ASCC3: variants seen among roughly 807,000 people sequenced by gnomAD.
ASCC3 encodes the protein activating signal cointegrator 1 complex subunit 3, also known as ASC-1 complex subunit P200.
A neutral mutation model predicts 256.3 loss-of-function variants in ASCC3; 158 were observed. That is an observed-to-expected ratio of 0.62 (90% CI 0.54 to 0.70). ASCC3 has a LOEUF of 0.70. Among genes scored for constraint, ASCC3 ranks in the 30% least tolerant of loss-of-function variants. The pLI is 0.00. For missense variants in ASCC3, 2,259 were observed against 2,626.0 expected, an observed-to-expected ratio of 0.86 and a Z score of 3.05; for synonymous variants, 948 against 883.4, an observed-to-expected ratio of 1.07 and a Z score of -1.30.
At chr6:100,733,071 TATG>T (rs1190326961) in intron 10 of ASCC3, among the ~76,000 whole-genome samples, 2 of 152,112 alleles carry the variant, frequency 1.3e-5, no homozygotes, top group Non-Finnish European at 2.9e-5. Context: ...GAAAAGCAAA[TATG>T]ATGAAAGTAT....
intron 6 of ASCC3, 127 bp from the exon 7 acceptor site, chr6:100,799,699 C>G (rs145510012): frequency 1.0e-6 from 1 of 975,004 alleles, no homozygotes; most frequent in Admixed American, 2.7e-5. Flanking sequence ...TTAAACTACA[C>G]AAAGGAAGAT....
At chr6:100,538,205 T>C (rs183152986) in intron 37 of ASCC3, among the ~76,000 whole-genome samples, 10 of 152,262 alleles carry the variant, frequency 6.6e-5, no homozygotes, top group African/African-American at 2.4e-4. Flanking sequence ...CCAGAGTTCA[T>C]TAACAAGTTA....
chr6:100,631,099 G>T, intron 26 of ASCC3, 29 bp downstream of exon 26: 1 of 1,485,532 alleles, frequency 6.7e-7, no homozygotes, highest in Non-Finnish European at 9.4e-7. Flanking sequence ...AATTCAAAGC[G>T]TATCTTTTGA....
intron 10 of ASCC3, among the ~76,000 whole-genome samples, chr6:100,745,958 G>T (rs1174674423): frequency 6.6e-6 from 1 of 151,812 alleles, no homozygotes; most frequent in Admixed American, 6.6e-5. Flanking sequence ...TATCGACATA[G>T]ATAGGCGTTC....
At chr6:100,568,752 AATT>A (rs111974347) in intron 36 of ASCC3, among the ~76,000 whole-genome samples, 43,328 of 139,406 alleles carry the variant, frequency 0.31, 6,697 homozygotes, top group Non-Finnish European at 0.33. Context: ...CTTAGTCATA[AATT>A]ATTATTATTA....
chr6:100,590,006 T>C lies in ASCC3; in HGVS notation c.5357A>G (p.His1786Arg), dbSNP rs371243896. Residue 1786 changes from histidine (H) to arginine (R), a missense_variant, in exon 35 of 42, where the codon CAT becomes CGT. Physicochemically the swap from His to Arg is conservative, Grantham distance 29. This residue lies in a region of ASCC3 where 1,839 missense variants were observed against 2,206.7 expected (regional missense o/e 0.83). Coordinates refer to ENST00000369162, the MANE Select transcript of ASCC3 (RefSeq NM_006828.4). ...TTCAATCAGGGACTTCTCAATCAGA[T>C]GGGACAGAAACTTGTTCACAGAATC... ...SHDSVNKFLS[H>R]LIEKSLIELE... 2.5e-6 allele frequency: 4 copies of C among 1,613,708 alleles called. No homozygotes were observed. In the African/African-American group the frequency reaches 4.0e-5, roughly 16 times the overall value.
At position 100,605,614 on chromosome 6, in the gene ASCC3, CT is replaced by C; in HGVS notation, c.5130del (p.Asp1711ThrfsTer13). 1 of 1,584,514 alleles carries C rather than the reference CT, an allele frequency of 6.3e-7. No individual in the cohort carries two copies. Among genetic ancestry groups the C allele is most frequent in the Admixed American group, 1.7e-5 (1 of 59,846 alleles). The part of the protein sequence containing the change: ...KAVILVHDIK[K>X]DFYKKFLYEP... ...TCATAAAGAAATTTTTTATAAAAGT[CT>C]TTCTTTATGTCATGAACTAGAATTA... On this transcript the variant is annotated frameshift_variant, in exon 33 of 42. Coordinates refer to ENST00000369162, the MANE Select transcript of ASCC3 (RefSeq NM_006828.4). LOFTEE classifies it high-confidence loss of function.
chr6:100,865,116 G>A (rs1748369924), intron 2 of ASCC3, among the ~76,000 whole-genome samples: 3 of 152,132 alleles, frequency 2.0e-5, no homozygotes, highest in Admixed American at 1.3e-4. Context: ...TTAGGGGGAG[G>A]AGAATGGGCA....
intron 36 of ASCC3, among the ~76,000 whole-genome samples, chr6:100,583,728 G>A: frequency 6.6e-6 from 1 of 151,976 alleles, no homozygotes; most frequent in Non-Finnish European, 1.5e-5. Context: ...GGCATTTAGT[G>A]CTATAAATTT....
At chr6:100,751,586 A>T (rs1436638095) in intron 10 of ASCC3, among the ~76,000 whole-genome samples, 2 of 152,082 alleles carry the variant, frequency 1.3e-5, no homozygotes, top group Non-Finnish European at 2.9e-5. Context: ...CCAAAAGACA[A>T]ATTATTTTTT....
chr6:100,561,020 C>A (rs1169765466), intron 36 of ASCC3, among the ~76,000 whole-genome samples: 1 of 151,584 alleles, frequency 6.6e-6, no homozygotes, highest in Non-Finnish European at 1.5e-5. Context: ...TTTCCAAATT[C>A]TCAAATATAG....
chr6:100,822,561 ATATAAT>A (rs1771103643), intron 4 of ASCC3, among the ~76,000 whole-genome samples: 1 of 151,950 alleles, frequency 6.6e-6, no homozygotes, highest in Non-Finnish European at 1.5e-5. Context: ...AAAAGATTAA[ATATAAT>A]TTTCCCTAAA....
chr6:100,772,140 CA>C (rs2115145867), intron 8 of ASCC3, among the ~76,000 whole-genome samples: 1 of 152,240 alleles, frequency 6.6e-6, no homozygotes, highest in Admixed American at 6.5e-5. Flanking sequence ...CTCAGCCTCC[CA>C]AAGTGCTGGG....
At chr6:100,560,244 A>G (rs1562118910) in intron 36 of ASCC3, among the ~76,000 whole-genome samples, 2 of 152,178 alleles carry the variant, frequency 1.3e-5, no homozygotes, top group African/African-American at 2.4e-5. Context: ...AGATATCAAT[A>G]TTTTGGCTCC....
intron 30 of ASCC3, among the ~76,000 whole-genome samples, chr6:100,619,606 A>G (rs1392730702): frequency 6.6e-6 from 1 of 152,202 alleles, no homozygotes. Context: ...AAAAATGTAC[A>G]GATGATGTAT....
chr6:100,848,728 C>T (rs771901557), intron 3 of ASCC3, 21 bp from the exon 4 acceptor site: 2 of 1,603,448 alleles, frequency 1.2e-6, no homozygotes, highest in East Asian at 4.5e-5. Context: ...ACAAAAGAAA[C>T]AGTATTAGCT....
intron 13 of ASCC3, among the ~76,000 whole-genome samples, chr6:100,708,072 C>T (rs1171225894): frequency 6.6e-6 from 1 of 152,026 alleles, no homozygotes; most frequent in Non-Finnish European, 1.5e-5. Context: ...TCTCTTGAAC[C>T]TCTATTCTCA....
intron 37 of ASCC3, among the ~76,000 whole-genome samples, chr6:100,529,449 T>C (rs922016234): frequency 1.3e-5 from 2 of 152,100 alleles, no homozygotes; most frequent in African/African-American, 4.8e-5. Context: ...AGTGATATAA[T>C]AAAGCAGTTA....
At chr6:100,658,378 A>AT (rs1374659986) in intron 16 of ASCC3, among the ~76,000 whole-genome samples, 1 of 151,502 alleles carries the variant, frequency 6.6e-6, no homozygotes, top group African/African-American at 2.4e-5. Flanking sequence ...TTGAATATGT[A>AT]TTTTTAAAAA....
Sources: allele counts gnomAD v4.1 joint callset (sites outside exome capture counted in the v4.1 genomes callset), GRCh38; gene constraint gnomAD v4.1.1; regional missense constraint gnomAD v4.1.1; transcripts MANE v1.5; gene names NCBI Gene and HGNC (gene_info 2026-07-23, HGNC 2026-07-21).